IGF2BP2: variants seen among roughly 807,000 people sequenced by gnomAD.
The protein encoded by IGF2BP2 is insulin-like growth factor 2 mRNA-binding protein 2.
A neutral mutation model predicts 75.8 loss-of-function variants in IGF2BP2; 17 were observed. The observed-to-expected ratio is 0.22, with a 90% CI of 0.15 to 0.34. IGF2BP2 has a LOEUF of 0.34. Ranked by LOEUF, IGF2BP2 falls within the 10% of genes least tolerant of loss-of-function variation. IGF2BP2 has a pLI of 1.00. For missense variants in IGF2BP2, 516 were observed against 772.4 expected, an observed-to-expected ratio of 0.67 and a Z score of 3.93; for synonymous variants, 288 against 295.6, an observed-to-expected ratio of 0.97 and a Z score of 0.26.
At position 185,692,686 on chromosome 3, in the gene IGF2BP2, C is replaced by G; in HGVS notation, c.404+13G>C. ...AAATAAATTTAAACAGAAATAAGCC[C>G]AAATCTGCTTACATTTTTGCTTCTT... is the stretch of plus-strand genomic sequence containing the variant. On this transcript the variant is annotated intron_variant, in intron 5 of 15. Transcript: ENST00000382199. The G allele has an allele frequency of 1.9e-6, 3 of 1,602,960 alleles. No individual in the cohort carries two copies. The highest frequency in any genetic ancestry group is 2.6e-6 in the Non-Finnish European group (3 of 1,170,984).
chr3:185,756,652 T>A (rs924740398), intron 2 of IGF2BP2, among the ~76,000 whole-genome samples: 9 of 152,130 alleles, frequency 5.9e-5, no homozygotes, highest in African/African-American at 1.7e-4. Context: ...TGGCCACGTG[T>A]TTTGATAATC....
intron 2 of IGF2BP2, among the ~76,000 whole-genome samples, chr3:185,723,229 T>TTCC (rs1560360386): frequency 2.6e-5 from 4 of 152,302 alleles, no homozygotes; most frequent in African/African-American, 9.6e-5. Context: ...CGCAAACAGC[T>TTCC]AAGTTTCTAT....
At chr3:185,806,707 C>T (rs943677594) in intron 2 of IGF2BP2, among the ~76,000 whole-genome samples, 4 of 152,212 alleles carry the variant, frequency 2.6e-5, no homozygotes, top group African/African-American at 9.7e-5. Context: ...AATCATTTAA[C>T]ATCAACATGG....
At position 185,748,580 on chromosome 3, in the gene IGF2BP2, A is replaced by G. The variant is rs550779490; in HGVS notation, c.240-50233T>C. 5.0e-4 allele frequency among the ~76,000 whole-genome samples: 76 copies of G among 152,362 alleles called. 2 individuals carry two copies. The highest frequency in any genetic ancestry group is 1.8e-3 in the African/African-American group (74 of 41,590). ...AGTAGAAACTGCTAAGGCATAATAT[A>G]TAACAATCATTATAGACTGAATTCT... On this transcript the variant is annotated intron_variant, in intron 2 of 15. Coordinates refer to ENST00000382199, the MANE Select transcript of IGF2BP2 (RefSeq NM_006548.6).
Position 185,649,393 on chromosome 3 carries a change from G to A in IGF2BP2, c.1593+10C>T, listed in dbSNP as rs761822372. 6.2e-7 allele frequency: 1 copy of A among 1,612,382 alleles called. No homozygotes were observed. The highest frequency in any genetic ancestry group is 1.1e-5 in the South Asian group (1 of 90,980). On this transcript the variant is annotated intron_variant, in intron 14 of 15. Transcript: ENST00000382199. ...ACCCAGGTGATGAAGCGAGCCCGGA[G>A]CACACTTACGGTCTTGCCACCTTTG... is the stretch of plus-strand genomic sequence containing the variant.
intron 2 of IGF2BP2, among the ~76,000 whole-genome samples, chr3:185,704,194 T>C (rs369487126): frequency 6.6e-6 from 1 of 151,964 alleles, no homozygotes; most frequent in Non-Finnish European, 1.5e-5. Context: ...GAGAGGCAGG[T>C]ATGCTAACCG....
At chr3:185,806,501 T>C (rs973969307) in intron 2 of IGF2BP2, among the ~76,000 whole-genome samples, 2 of 152,232 alleles carry the variant, frequency 1.3e-5, no homozygotes, top group Non-Finnish European at 1.5e-5. Flanking sequence ...AACTATCATG[T>C]TATCAGAACC....
chr3:185,702,013 T>G (rs1723374615), intron 2 of IGF2BP2, among the ~76,000 whole-genome samples: 1 of 152,148 alleles, frequency 6.6e-6, no homozygotes, highest in African/African-American at 2.4e-5. Flanking sequence ...AGCTCACACA[T>G]AATCCCTGCT....
intron 8 of IGF2BP2, 137 bp from the exon 9 acceptor site, chr3:185,675,568 C>A (rs1025685071): frequency 4.5e-6 from 5 of 1,122,344 alleles, no homozygotes; most frequent in East Asian, 2.5e-5. Flanking sequence ...GGTGGAGAAT[C>A]CCTGCCATCT....
At chr3:185,812,649 T>C (rs1740057188) in intron 2 of IGF2BP2, among the ~76,000 whole-genome samples, 1 of 152,210 alleles carries the variant, frequency 6.6e-6, no homozygotes, top group Admixed American at 6.5e-5. Context: ...AACTGTGTTT[T>C]AAAGCAGCAA....
chr3:185,741,159 C>T (rs1729502773), intron 2 of IGF2BP2, among the ~76,000 whole-genome samples: 1 of 152,166 alleles, frequency 6.6e-6, no homozygotes, highest in Non-Finnish European at 1.5e-5. Flanking sequence ...AGGAATGAGC[C>T]ACTGTGCCCG....
chr3:185,667,917 A>C (rs1034799744), intron 10 of IGF2BP2, among the ~76,000 whole-genome samples: 1 of 152,228 alleles, frequency 6.6e-6, no homozygotes, highest in Non-Finnish European at 1.5e-5. Flanking sequence ...TTTAGCAATA[A>C]AATATTTTTA....
At position 185,647,597 on chromosome 3, in the gene IGF2BP2, C is replaced by G. The variant is rs1048013667; in HGVS notation, c.1594-459G>C. Among the ~76,000 whole-genome samples, 1 of 152,170 alleles carries G rather than the reference C, an allele frequency of 6.6e-6. No homozygotes were observed. Among genetic ancestry groups the G allele is most frequent in the Non-Finnish European group, 1.5e-5 (1 of 68,030 alleles). On this transcript the variant is annotated intron_variant, in intron 14 of 15. Transcript: ENST00000382199. The surrounding 1 kb of genome is among the most constrained non-coding windows in gnomAD (Gnocchi z 4.9). ...ATCAGCCCTGCTGTTCCCTCCTCCT[C>G]GTTTTCACTCCTGCCGCCAAGACTT...
At chr3:185,688,409 C>A (rs1577974278) in intron 6 of IGF2BP2, among the ~76,000 whole-genome samples, 1 of 152,204 alleles carries the variant, frequency 6.6e-6, no homozygotes, top group African/African-American at 2.4e-5. Context: ...GTGGCGCCAT[C>A]TCGGCTCACT....
Position 185,643,151 on chromosome 3 carries a change from T to C in IGF2BP2, c.*2380A>G, listed in dbSNP as rs1712942322. On this transcript the variant is annotated 3_prime_UTR_variant, in exon 16 of 16. Transcript: ENST00000382199. ...ACTAAAACGTGTATGACTCATTTTA[T>C]TGCAAAGTTCGCTTTACTGTGGTGG... Among the ~76,000 whole-genome samples, 1 of 152,270 alleles carries C rather than the reference T, an allele frequency of 6.6e-6. No individual in the cohort carries two copies. Among genetic ancestry groups the C allele is most frequent in the African/African-American group, 2.4e-5 (1 of 41,474 alleles).
In IGF2BP2 at chr3:185,649,534, C is replaced by T; in HGVS notation, c.1462G>A (p.Ala488Thr). Residue 488 changes from alanine (A) to threonine (T), a missense_variant and splice_region_variant, in exon 14 of 16, where the codon GCC becomes ACC. Physicochemically the swap from Ala to Thr is moderately conservative, Grantham distance 58 (BLOSUM62 0). This residue lies in a region of IGF2BP2 where 129 missense variants were observed against 230.5 expected (regional missense o/e 0.56). Transcript: ENST00000382199. ...ITGPPEAQFK[A>T]QGRIFGKLKE... is the part of the protein sequence containing the mutation. The stretch of plus-strand genomic sequence containing the variant: ...AGTTTCCCAAAGATCCGTCCCTGGG[C>T]CTGAGAGAGCAAGACATGACTAATG... 6.2e-7 allele frequency: 1 copy of T among 1,614,012 alleles called. No homozygotes were observed. Among genetic ancestry groups the T allele is most frequent in the Non-Finnish European group, 8.5e-7 (1 of 1,179,952 alleles).
At chr3:185,675,546 C>T (rs1233893234) in intron 8 of IGF2BP2, 115 bp from the exon 9 acceptor site, 15 of 1,239,730 alleles carry the variant, frequency 1.2e-5, no homozygotes, top group Non-Finnish European at 1.7e-5. Flanking sequence ...CAATTCCCTC[C>T]CAACACACTG....
At chr3:185,788,292 G>A (rs1736158896) in intron 2 of IGF2BP2, among the ~76,000 whole-genome samples, 1 of 152,084 alleles carries the variant, frequency 6.6e-6, no homozygotes, top group Non-Finnish European at 1.5e-5. Context: ...GGCCGAGGTG[G>A]GCTGATCGCT....
intron 4 of IGF2BP2, among the ~76,000 whole-genome samples, chr3:185,693,485 A>C (rs1288268341): frequency 6.6e-6 from 1 of 152,148 alleles, no homozygotes; most frequent in Non-Finnish European, 1.5e-5. Context: ...GAACTCTTTG[A>C]CTGTGTGGGT....
Sources: allele counts gnomAD v4.1 joint callset (sites outside exome capture counted in the v4.1 genomes callset), GRCh38; gene constraint gnomAD v4.1.1; regional missense constraint gnomAD v4.1.1; non-coding constraint Gnocchi (gnomAD v3.1); transcripts MANE v1.5; gene names NCBI Gene and HGNC (gene_info 2026-07-23, HGNC 2026-07-21).